CMTR1: variants seen among roughly 807,000 people sequenced by gnomAD.
CMTR1 encodes cap methyltransferase 1.
CMTR1 carries 39 observed loss-of-function variants against 107.0 expected under a neutral mutation model. That is an observed-to-expected ratio of 0.36 (90% CI 0.28 to 0.48). CMTR1 has a LOEUF of 0.48. Among genes scored for constraint, CMTR1 ranks in the 20% least tolerant of loss-of-function variants. The pLI, the probability that CMTR1 is intolerant of heterozygous loss-of-function variation, is 0.99. For synonymous variants in CMTR1, 366 were observed against 379.5 expected, an observed-to-expected ratio of 0.96 and a Z score of 0.41; for missense variants, 672 against 1,064.9, an observed-to-expected ratio of 0.63 and a Z score of 5.14.
chr6:37,475,499 T>A (rs772560555), intron 19 of CMTR1, 87 bp downstream of exon 19: 17 of 1,060,376 alleles, frequency 1.6e-5, no homozygotes, highest in Non-Finnish European at 2.3e-5. Flanking sequence ...TGGCCCCTTA[T>A]CTAGGCCTTC....
Position 37,480,959 on chromosome 6 carries a change from G to T in CMTR1, c.*814G>T. On this transcript the variant is annotated 3_prime_UTR_variant, in exon 24 of 24. Coordinates refer to ENST00000373451, the MANE Select transcript of CMTR1 (RefSeq NM_015050.3). ...CCGTCTTTCCCCCACAGCAGCAGGG[G>T]CCCCAGCAGTAACAAAGGGTACCTC... 3.2e-6 allele frequency: 4 copies of T among 1,259,748 alleles called. No individual in the cohort carries two copies. Among genetic ancestry groups the T allele is most frequent in the Non-Finnish European group, 4.1e-6 (4 of 971,964 alleles). 78.0% of individuals were successfully genotyped at this position (1,259,748 alleles called of 1,614,324 possible).
intron 9 of CMTR1, 146 bp from the exon 10 acceptor site, chr6:37,459,420 G>A: frequency 1.5e-6 from 1 of 681,432 alleles, no homozygotes; most frequent in Non-Finnish European, 2.7e-6. Context: ...TGTTCCTCCT[G>A]GTCCATCACT....
chr6:37,426,090 T>G, the CMTR1 span, among the ~76,000 whole-genome samples: 1 of 152,198 alleles, frequency 6.6e-6, no homozygotes, highest in African/African-American at 2.4e-5. Flanking sequence ...TATATTTTAT[T>G]TTGATTATTG....
At position 37,451,804 on chromosome 6, in the gene CMTR1, A is replaced by G. The variant is rs1761177565; in HGVS notation, c.538-2A>G. 3 of 1,611,074 alleles carry G rather than the reference A, an allele frequency of 1.9e-6. No homozygotes were observed. Among genetic ancestry groups the G allele is most frequent in the Non-Finnish European group, 2.5e-6 (3 of 1,177,500 alleles). The stretch of plus-strand genomic sequence containing the variant: ...TTACTTACTGCTTTTTTCTCCCTGT[A>G]GAGAAAGATGATTATTGAAGATGAA... On this transcript the variant is annotated splice_acceptor_variant, in intron 5 of 23. Transcript: ENST00000373451. LOFTEE classifies it high-confidence loss of function.
intron 4 of CMTR1, among the ~76,000 whole-genome samples, chr6:37,448,557 TG>T (rs1771859896): frequency 6.6e-6 from 1 of 152,246 alleles, no homozygotes; most frequent in Admixed American, 6.5e-5. Context: ...CATGATTCAC[TG>T]CCAGATTCAT....
intron 1 of CMTR1, among the ~76,000 whole-genome samples, chr6:37,433,763 G>A (rs956003099): frequency 6.6e-6 from 1 of 152,216 alleles, no homozygotes; most frequent in African/African-American, 2.4e-5. Flanking sequence ...CTTGCCTTCC[G>A]CTTAGAAGTT....
intron 13 of CMTR1, among the ~76,000 whole-genome samples, chr6:37,465,327 TCTC>T (rs1163520675): frequency 3.3e-5 from 5 of 152,094 alleles, no homozygotes; most frequent in African/African-American, 1.2e-4. Flanking sequence ...ATTGTTTTAT[TCTC>T]CTTTCAGCAA....
intron 16 of CMTR1, 37 bp from the exon 17 acceptor site, chr6:37,473,433 C>T (rs772350214): frequency 5.6e-6 from 9 of 1,600,034 alleles, no homozygotes; most frequent in Non-Finnish European, 3.4e-6. Flanking sequence ...GTCCCTTCCC[C>T]CAACCCGGCA....
chr6:37,465,707 C>G (rs1761493199), intron 13 of CMTR1, among the ~76,000 whole-genome samples: 1 of 152,158 alleles, frequency 6.6e-6, no homozygotes, highest in South Asian at 2.1e-4. Flanking sequence ...GTTGGCCAGG[C>G]TGGTCTTGAA....
chr6:37,451,774 G>A (rs749445644), intron 5 of CMTR1, 32 bp from the exon 6 acceptor site: 1 of 1,535,358 alleles, frequency 6.5e-7, no homozygotes, highest in Non-Finnish European at 9.0e-7. Flanking sequence ...AGTCACACGT[G>A]GTCATTACTT....
At chr6:37,431,252 T>C (rs929686163), upstream of CMTR1, among the ~76,000 whole-genome samples, 1 of 152,224 alleles carries the variant, frequency 6.6e-6, no homozygotes, top group Admixed American at 6.5e-5. Flanking sequence ...CCTTATTTTA[T>C]ACCCTTCAAA....
At position 37,458,071 on chromosome 6, in the gene CMTR1, T is replaced by A. The variant is rs1761333304; in HGVS notation, c.778-541T>A. Among the ~76,000 whole-genome samples the A allele has an allele frequency of 6.6e-6, 1 of 152,172 alleles. No homozygotes were observed. ...CCATAAATGTTTTTTGTTGTTTTTG[T>A]TGAGACAGGGTCTCGGTCTGTCGCC... is the stretch of plus-strand genomic sequence containing the variant. On this transcript the variant is annotated intron_variant, in intron 8 of 23. Transcript: ENST00000373451. This position sits in a 1 kb window ranked among gnomAD's most constrained non-coding sequence, Gnocchi z 4.7.
intron 8 of CMTR1, among the ~76,000 whole-genome samples, chr6:37,454,221 C>T (rs1761244066): frequency 6.6e-6 from 1 of 152,232 alleles, no homozygotes; most frequent in Admixed American, 6.5e-5. Flanking sequence ...TTCACTCACC[C>T]TCATTCCACT....
intron 13 of CMTR1, among the ~76,000 whole-genome samples, chr6:37,469,521 CTTTTTTTTTT>C (rs763917812): frequency 1.1e-4 from 7 of 61,618 alleles, no homozygotes; most frequent in Admixed American, 8.3e-4. Context: ...TTGTTTTATC[CTTTTTTTTTT>C]TTTTTTTTTT....
rs1233918849 is a variant in CMTR1 at position 37,450,360 on chromosome 6, A to G, written c.537+17A>G. The G allele has an allele frequency of 1.3e-6, 2 of 1,580,756 alleles. No individual in the cohort carries two copies. The highest frequency in any genetic ancestry group is 2.2e-5 in the South Asian group (2 of 90,354). On this transcript the variant is annotated intron_variant, in intron 5 of 23. Transcript: ENST00000373451. The stretch of plus-strand genomic sequence containing the variant: ...GTGGGAAAGGTAGGCTTTCAGGAAA[A>G]CGTACCCTGACTTCTTGGCATTCTC...
intron 2 of CMTR1, among the ~76,000 whole-genome samples, chr6:37,443,424 G>A (rs1302200566): frequency 6.6e-6 from 1 of 150,596 alleles, no homozygotes; most frequent in Non-Finnish European, 1.5e-5. Context: ...GCGCAATTTC[G>A]GCTCACTGCA....
At position 37,481,453 on chromosome 6, in the gene CMTR1, G is replaced by T; in HGVS notation, c.*1308G>T. ...GATGCTGTATTTCCACCCAATTCTG[G>T]GTATATCAGTGTGTCTTGCAGAATC... On this transcript the variant is annotated 3_prime_UTR_variant, in exon 24 of 24. Coordinates refer to ENST00000373451, the MANE Select transcript of CMTR1 (RefSeq NM_015050.3). The T allele has an allele frequency of 8.7e-7, 1 of 1,151,896 alleles. No homozygotes were observed. Among genetic ancestry groups the T allele is most frequent in the African/African-American group, 1.6e-5 (1 of 61,770 alleles). 71.4% of individuals were successfully genotyped at this position (1,151,896 alleles called of 1,614,324 possible).
At chr6:37,468,700 A>G (rs1429135453) in intron 13 of CMTR1, among the ~76,000 whole-genome samples, 1 of 151,516 alleles carries the variant, frequency 6.6e-6, no homozygotes, top group Admixed American at 6.6e-5. Flanking sequence ...CCTGACCAAC[A>G]TGGTGAAACC....
chr6:37,463,787 G>T (rs1761448641), intron 13 of CMTR1, among the ~76,000 whole-genome samples: 1 of 152,124 alleles, frequency 6.6e-6, no homozygotes, highest in Non-Finnish European at 1.5e-5. Flanking sequence ...TTCCAGTATT[G>T]CCTGGTGTTT....
Sources: gnomAD v4.1 joint callset for allele counts (sites outside exome capture counted in the v4.1 genomes callset) on GRCh38, gnomAD v4.1.1 for gene constraint, Gnocchi (gnomAD v3.1) non-coding constraint, MANE v1.5 for transcripts, NCBI Gene and HGNC (gene_info 2026-07-23, HGNC 2026-07-21) for gene names.